PRDM10: variants seen among roughly 807,000 people sequenced by gnomAD.
PRDM10 encodes PR/SET domain 10.
In PRDM10, 65 loss-of-function variants were observed where a neutral mutation model predicts 133.1. The ratio of observed to expected loss-of-function variants is 0.49; its 90% CI spans 0.40 to 0.60. PRDM10 has a LOEUF of 0.60. PRDM10 is among the 20% of genes least tolerant of loss of function. The pLI, the probability that PRDM10 is intolerant of heterozygous loss-of-function variation, is 0.00. For synonymous variants in PRDM10, 582 were observed against 580.4 expected (o/e 1.00, Z -0.04); for missense variants, 1,137 against 1,507.1 (o/e 0.75, Z 4.07).
chr11:129,906,538 G>A (rs1426852435), intron 19 of PRDM10, among the ~76,000 whole-genome samples: 1 of 152,178 alleles, frequency 6.6e-6, no homozygotes, highest in Admixed American at 6.5e-5. Flanking sequence ...AATTCATTTT[G>A]TGAAAACTGG....
At chr11:129,955,449 G>A in intron 4 of PRDM10, 63 bp downstream of exon 4, 1 of 1,501,460 alleles carries the variant, frequency 6.7e-7, no homozygotes, top group Non-Finnish European at 9.3e-7. Flanking sequence ...AAAGGGATGG[G>A]GCATTCCAGG....
Position 129,951,541 on chromosome 11 carries a change from A to T in PRDM10, c.294+3971T>A, listed in dbSNP as rs185457734. Among the ~76,000 whole-genome samples, 7 of 152,372 alleles carry T rather than the reference A, an allele frequency of 4.6e-5. No homozygotes were observed. In the East Asian group the frequency reaches 1.3e-3, roughly 29 times the overall value. Reference sequence around the variant, plus strand: ...GTCATGTACAATAAAATACAGTAAAAGCAAAAAGAATCTATAAACTTACGG... The same window carrying T: ...GTCATGTACAATAAAATACAGTAAATGCAAAAAGAATCTATAAACTTACGG... On this transcript the variant is annotated intron_variant, in intron 4 of 20. Transcript: ENST00000360871.
chr11:129,974,861 G>C (rs1211526091), intron 1 of PRDM10, among the ~76,000 whole-genome samples: 6 of 152,204 alleles, frequency 3.9e-5, no homozygotes, highest in African/African-American at 9.6e-5. Context: ...GGGAATTCTG[G>C]CACATGCTTC....
intron 8 of PRDM10, among the ~76,000 whole-genome samples, chr11:129,936,164 T>C (rs1951022827): frequency 6.6e-6 from 1 of 152,126 alleles, no homozygotes; most frequent in Non-Finnish European, 1.5e-5. Context: ...CTTCTATGGT[T>C]GGGAATCATA....
At chr11:129,991,446 G>A (rs1938740411) in intron 1 of PRDM10, among the ~76,000 whole-genome samples, 1 of 152,164 alleles carries the variant, frequency 6.6e-6, no homozygotes, top group African/African-American at 2.4e-5. Context: ...CACTTTGGGA[G>A]GCCCAGGTGG....
intron 15 of PRDM10, among the ~76,000 whole-genome samples, chr11:129,916,432 A>G (rs1950359504): frequency 6.6e-6 from 1 of 152,300 alleles, no homozygotes; most frequent in South Asian, 2.1e-4. Flanking sequence ...CGATCACCTG[A>G]GGGTGGATCA....
intron 16 of PRDM10, 64 bp from the exon 17 acceptor site, chr11:129,915,082 A>T: frequency 2.7e-6 from 4 of 1,483,518 alleles, no homozygotes; most frequent in Non-Finnish European, 3.6e-6. Context: ...TTTTTCTCAT[A>T]TGTAAATCCT....
rs778972897 is a variant in PRDM10 at position 129,957,890 on chromosome 11, T to C, written c.90A>G (p.Thr30=). Residue 30 remains threonine (T), a synonymous_variant, in exon 3 of 21, where the codon ACA becomes ACG. Coordinates refer to ENST00000360871, the MANE Select transcript of PRDM10 (RefSeq NM_199437.2). ...NAAQVHFVPD[T]GTVAQIVYTD... Reference sequence around the variant, plus strand: ...TATAGACAATCTGAGCCACTGTTCCTGTGTCCGGAACAAAGTGCACCTGGC... The same window carrying C: ...TATAGACAATCTGAGCCACTGTTCCCGTGTCCGGAACAAAGTGCACCTGGC... 70 of 1,613,210 alleles carry C rather than the reference T, an allele frequency of 4.3e-5. No individual in the cohort carries two copies. Among genetic ancestry groups the C allele is most frequent in the Non-Finnish European group, 5.9e-5 (70 of 1,179,576 alleles).
intron 1 of PRDM10, among the ~76,000 whole-genome samples, chr11:129,991,933 G>A (rs889436191): frequency 3.3e-5 from 5 of 152,088 alleles, no homozygotes; most frequent in Non-Finnish European, 7.4e-5. Context: ...AGAGGTTGCG[G>A]CGAGCCAAGA....
At chr11:129,930,865 A>T in intron 11 of PRDM10, 151 bp downstream of exon 11, 1 of 1,245,284 alleles carries the variant, frequency 8.0e-7, no homozygotes, top group South Asian at 1.5e-5. Flanking sequence ...AATAGTGAAC[A>T]CTTTCTTTCA....
intron 1 of PRDM10, among the ~76,000 whole-genome samples, chr11:129,979,772 G>A (rs974993237): frequency 3.3e-5 from 5 of 151,726 alleles, no homozygotes; most frequent in Non-Finnish European, 5.9e-5. Flanking sequence ...ATCCCTTCCT[G>A]GCCTCGGATT....
chr11:129,944,927 G>T lies in PRDM10; in HGVS notation c.606C>A (p.Thr202=). 2.5e-6 allele frequency: 4 copies of T among 1,613,916 alleles called. No individual in the cohort carries two copies. Among genetic ancestry groups the T allele is most frequent in the Non-Finnish European group, 3.4e-6 (4 of 1,179,976 alleles). The change falls in exon 6 of 21, where the codon ACC becomes ACA. Residue 202 remains threonine, a synonymous_variant. Coordinates refer to ENST00000360871, the MANE Select transcript of PRDM10 (RefSeq NM_199437.2). ...LHPIPNRPVL[T]RARASLPLVL... ...CCAGGGGGAGGCTCGCCCTGGCCCG[G>T]GTGAGCACCGGCCGGTTGGGGATCG...
At chr11:129,973,871 A>C (rs549134741) in intron 1 of PRDM10, among the ~76,000 whole-genome samples, 62 of 152,256 alleles carry the variant, frequency 4.1e-4, no homozygotes, top group Non-Finnish European at 7.3e-4. Context: ...AATTCTAAAC[A>C]TTTTGGAGCT....
intron 1 of PRDM10, among the ~76,000 whole-genome samples, chr11:129,970,296 G>A (rs1016901373): frequency 6.6e-6 from 1 of 152,222 alleles, no homozygotes; most frequent in Non-Finnish European, 1.5e-5. Context: ...AACTTCTGAA[G>A]TAGGCACATT....
chr11:129,916,833 A>G (rs1284539335), intron 15 of PRDM10, among the ~76,000 whole-genome samples: 5 of 152,180 alleles, frequency 3.3e-5, no homozygotes, highest in African/African-American at 1.2e-4. Context: ...GAGCCTAGGA[A>G]TTTGAAATTA....
chr11:129,903,108 A>T (rs1416910409), intron 20 of PRDM10, among the ~76,000 whole-genome samples: 1 of 152,068 alleles, frequency 6.6e-6, no homozygotes, highest in Non-Finnish European at 1.5e-5. Flanking sequence ...CAGCCTGACC[A>T]ACATGAAGAA....
At chr11:129,921,652 G>A (rs1950526092) in intron 13 of PRDM10, among the ~76,000 whole-genome samples, 1 of 152,170 alleles carries the variant, frequency 6.6e-6, no homozygotes, top group African/African-American at 2.4e-5. Context: ...GTTTTGTGCT[G>A]GGTCAACTTG....
At chr11:129,939,232 T>C (rs533915497) in intron 7 of PRDM10, among the ~76,000 whole-genome samples, 53 of 152,372 alleles carry the variant, frequency 3.5e-4, no homozygotes, top group African/African-American at 1.3e-3. Context: ...AGCTGGTCTA[T>C]GTTTTCTAGG....
At chr11:129,969,581 G>A (rs1951973732) in intron 1 of PRDM10, among the ~76,000 whole-genome samples, 2 of 151,522 alleles carry the variant, frequency 1.3e-5, no homozygotes, top group Non-Finnish European at 1.5e-5. Flanking sequence ...ATCACTTGAG[G>A]AGAGTAGTTC....
Sources: gnomAD v4.1 joint callset for allele counts (sites outside exome capture counted in the v4.1 genomes callset) on GRCh38, gnomAD v4.1.1 for gene constraint, MANE v1.5 for transcripts, NCBI Gene and HGNC (gene_info 2026-07-23, HGNC 2026-07-21) for gene names.